Variants in STARD13 observed in about 807,000 individuals in gnomAD.
The protein encoded by STARD13 is stAR-related lipid transfer protein 13.
A neutral mutation model predicts 106.4 loss-of-function variants in STARD13; 62 were observed. The observed-to-expected ratio is 0.58, with a 90% CI of 0.48 to 0.72. The LOEUF (loss-of-function observed/expected upper bound fraction) is 0.72. Among genes scored for constraint, STARD13 ranks in the 30% least tolerant of loss-of-function variants. The probability of loss-of-function intolerance (pLI) is 0.00; values close to 1 mark genes in which losing one functional copy is unlikely to be tolerated. For missense variants in STARD13, 1,387 were observed against 1,424.0 expected (o/e 0.97, Z 0.42); for synonymous variants, 565 against 553.0 (o/e 1.02, Z -0.31).
At chr13:33,369,556 T>C in the STARD13 span, among the ~76,000 whole-genome samples, 1 of 152,230 alleles carries the variant, frequency 6.6e-6, no homozygotes, top group Admixed American at 6.5e-5. Flanking sequence ...ACGGATCTAG[T>C]AGTTCAAGGC....
chr13:33,260,897 T>C (rs1444374283), intron 1 of STARD13, among the ~76,000 whole-genome samples: 1 of 152,340 alleles, frequency 6.6e-6, no homozygotes, highest in East Asian at 1.9e-4. Flanking sequence ...GAGTTAACAC[T>C]TATTCCTCTG....
At chr13:33,434,899 AAG>A in the STARD13 span, among the ~76,000 whole-genome samples, 3 of 135,728 alleles carry the variant, frequency 2.2e-5, no homozygotes, top group South Asian at 7.1e-4. Flanking sequence ...GGAAAGAAGG[AAG>A]GAAGGAAGGA....
chr13:33,197,301 T>C (rs1285102722), intron 1 of STARD13, among the ~76,000 whole-genome samples: 1 of 152,200 alleles, frequency 6.6e-6, no homozygotes, highest in Admixed American at 6.5e-5. Flanking sequence ...TGAGGCACCC[T>C]GTAAGCGTAC....
At chr13:33,460,384 G>A in the STARD13 span, among the ~76,000 whole-genome samples, 1 of 151,610 alleles carries the variant, frequency 6.6e-6, no homozygotes, top group African/African-American at 2.4e-5. Flanking sequence ...CTAGGTACTC[G>A]GGAGGCTGAG....
chr13:33,538,659 GACA>G, the STARD13 span, among the ~76,000 whole-genome samples: 2 of 147,124 alleles, frequency 1.4e-5, no homozygotes, highest in East Asian at 4.0e-4. Flanking sequence ...CATAAACAAA[GACA>G]ACATTTCATA....
At chr13:33,385,215 C>T in the STARD13 span, among the ~76,000 whole-genome samples, 5 of 25,680 alleles carry the variant, frequency 1.9e-4, no homozygotes, top group South Asian at 2.9e-3. Context: ...AAGAAAGGTT[C>T]GGAATATATA....
chr13:33,370,677 G>A, the STARD13 span, among the ~76,000 whole-genome samples: 1 of 139,294 alleles, frequency 7.2e-6, no homozygotes. Flanking sequence ...GGAGTATAGT[G>A]GCGCAACCTT....
chr13:33,472,341 T>C, the STARD13 span, among the ~76,000 whole-genome samples: 2 of 152,162 alleles, frequency 1.3e-5, no homozygotes, highest in Non-Finnish European at 2.9e-5. Flanking sequence ...ATAGGTTTTA[T>C]AATTATTTTT....
chr13:33,393,135 A>G, the STARD13 span, among the ~76,000 whole-genome samples: 1 of 152,264 alleles, frequency 6.6e-6, no homozygotes, highest in Non-Finnish European at 1.5e-5. Flanking sequence ...TATGGATAAG[A>G]GTAGTTTGAA....
the STARD13 span, among the ~76,000 whole-genome samples, chr13:33,671,014 G>T: frequency 1.3e-5 from 2 of 152,202 alleles, no homozygotes; most frequent in African/African-American, 2.4e-5. Context: ...CAAAACTATG[G>T]TCTAGTTAAA....
chr13:33,135,967 C>T (rs1382723479), intron 4 of STARD13, among the ~76,000 whole-genome samples: 1 of 151,998 alleles, frequency 6.6e-6, no homozygotes. Context: ...ACTAAAAATA[C>T]AGAAATTAGC....
intron 1 of STARD13, among the ~76,000 whole-genome samples, chr13:33,179,790 A>G (rs1885051200): frequency 6.6e-6 from 1 of 152,220 alleles, no homozygotes. Flanking sequence ...AGGAGGGGGC[A>G]TTTTGGATAA....
the STARD13 span, among the ~76,000 whole-genome samples, chr13:33,521,017 A>C: frequency 2.0e-5 from 3 of 152,130 alleles, no homozygotes; most frequent in African/African-American, 4.8e-5. Context: ...AAGGATAGAT[A>C]AGCATTACTC....
intron 1 of STARD13, among the ~76,000 whole-genome samples, chr13:33,271,876 A>G (rs1362106797): frequency 1.3e-5 from 2 of 152,156 alleles, no homozygotes; most frequent in East Asian, 3.9e-4. Flanking sequence ...ATGCCTACGT[A>G]TAATTATGAA....
At chr13:33,408,489 C>A in the STARD13 span, among the ~76,000 whole-genome samples, 1 of 152,088 alleles carries the variant, frequency 6.6e-6, no homozygotes, top group African/African-American at 2.4e-5. Context: ...GGCAGAATTT[C>A]TTCCTTTTTA....
At chr13:33,340,505 TC>T (rs1267549737) in intron 1 of STARD13, among the ~76,000 whole-genome samples, 1 of 152,234 alleles carries the variant, frequency 6.6e-6, no homozygotes, top group Admixed American at 6.5e-5. Context: ...CATAAGACCT[TC>T]CAGTTTAATA....
chr13:33,106,681 T>G, intron 13 of STARD13, 77 bp downstream of exon 13: 3 of 1,297,866 alleles, frequency 2.3e-6, no homozygotes, highest in Non-Finnish European at 3.1e-6. Flanking sequence ...GAAATCAGGG[T>G]GACATCCCTG....
chr13:33,499,742 C>G, the STARD13 span, among the ~76,000 whole-genome samples: 1 of 142,902 alleles, frequency 7.0e-6, no homozygotes, highest in Non-Finnish European at 1.5e-5. Context: ...TCTCCCTCTC[C>G]CTCTTCTTCT....
intron 7 of STARD13, among the ~76,000 whole-genome samples, chr13:33,120,255 C>T (rs548479548): frequency 1.2e-4 from 19 of 152,338 alleles, no homozygotes; most frequent in African/African-American, 4.3e-4. Flanking sequence ...TTGTCGAGCA[C>T]GTTCCTCTTT....
Sources: allele counts gnomAD v4.1 joint callset (sites outside exome capture counted in the v4.1 genomes callset), GRCh38; gene constraint gnomAD v4.1.1; transcripts MANE v1.5; gene names NCBI Gene and HGNC (gene_info 2026-07-23, HGNC 2026-07-21).